DPPA2: variants seen among roughly 807,000 people sequenced by gnomAD.
The protein encoded by DPPA2 is developmental pluripotency-associated protein 2.
DPPA2 carries 26 observed loss-of-function variants against 36.2 expected under a neutral mutation model. The observed-to-expected ratio is 0.72, with a 90% CI of 0.53 to 1.00. The LOEUF is 1.00. Among genes scored for constraint, DPPA2 ranks in the 50% least tolerant of loss-of-function variants. The pLI is 0.00. For missense variants in DPPA2, 361 were observed against 365.1 expected (o/e 0.99, Z 0.09); for synonymous variants, 113 against 123.2 (o/e 0.92, Z 0.55).
chr3:109,306,879 A>G (rs1429780029), intron 6 of DPPA2, among the ~76,000 whole-genome samples: 1 of 151,808 alleles, frequency 6.6e-6, no homozygotes, highest in Non-Finnish European at 1.5e-5. Context: ...AGGCTGAGGC[A>G]AGAAAATTGC....
chr3:109,306,332 A>G (rs1707564476), intron 6 of DPPA2, among the ~76,000 whole-genome samples: 1 of 152,252 alleles, frequency 6.6e-6, no homozygotes, highest in Non-Finnish European at 1.5e-5. Flanking sequence ...CCAGGCACAC[A>G]GCTTTATGGC....
intron 8 of DPPA2, among the ~76,000 whole-genome samples, chr3:109,298,687 A>C (rs1434827749): frequency 6.7e-6 from 1 of 148,880 alleles, no homozygotes; most frequent in Non-Finnish European, 1.5e-5. Flanking sequence ...ACTGCACTCC[A>C]GCCTGGTGAT....
intron 8 of DPPA2, among the ~76,000 whole-genome samples, 155 bp downstream of exon 8, chr3:109,300,216 C>T (rs1054727129): frequency 2.6e-5 from 4 of 152,104 alleles, no homozygotes; most frequent in Non-Finnish European, 5.9e-5. Flanking sequence ...ATTTGTACTT[C>T]CTGGTAGACA....
intron 5 of DPPA2, 60 bp downstream of exon 5, chr3:109,308,966 G>A: frequency 6.3e-7 from 1 of 1,595,156 alleles, no homozygotes; most frequent in Non-Finnish European, 8.6e-7. Flanking sequence ...TGCGACGGTA[G>A]GGACCGGACG....
chr3:109,312,576 G>T lies in DPPA2; in HGVS notation c.150C>A (p.Val50=). The T allele has an allele frequency of 1.2e-6, 2 of 1,613,512 alleles. No individual in the cohort carries two copies. Among genetic ancestry groups the T allele is most frequent in the Admixed American group, 1.7e-5 (1 of 60,000 alleles). ...TGTATTTCTTAGGCTTCTCCAGTTT[G>T]ACATCAGAAGTTGAAGAAACGCTTG... ...MEPSVSSTSD[V]KLEKPKKYNP... is the part of the protein sequence containing the mutation. Residue 50 remains valine, a synonymous_variant, in exon 3 of 9, where the codon GTC becomes GTA. Coordinates refer to ENST00000478945, the MANE Select transcript of DPPA2 (RefSeq NM_138815.4).
intron 6 of DPPA2, among the ~76,000 whole-genome samples, chr3:109,307,286 C>T (rs183445258): frequency 5.3e-5 from 8 of 151,802 alleles, no homozygotes; most frequent in Admixed American, 2.0e-4. Context: ...TTCTATGAAA[C>T]ATGTAAATCT....
At chr3:109,300,557 C>G (rs1266670768) in intron 7 of DPPA2, 122 bp from the exon 8 acceptor site, 2 of 933,452 alleles carry the variant, frequency 2.1e-6, no homozygotes, top group Non-Finnish European at 3.4e-6. Flanking sequence ...TGTGGTGGCT[C>G]ACGCCTGTAA....
intron 8 of DPPA2, among the ~76,000 whole-genome samples, chr3:109,294,887 G>A (rs1707323873): frequency 6.6e-6 from 1 of 152,078 alleles, no homozygotes; most frequent in Admixed American, 6.6e-5. Context: ...CGGGCATGGT[G>A]GCCAGTGCCT....
At chr3:109,294,753 G>A (rs549834991) in intron 8 of DPPA2, among the ~76,000 whole-genome samples, 1 of 152,298 alleles carries the variant, frequency 6.6e-6, no homozygotes, top group East Asian at 1.9e-4. Context: ...GCTGGGCGCG[G>A]CGGCTCATGC....
At position 109,312,546 on chromosome 3, in the gene DPPA2, T is replaced by A. The variant is rs150889570; in HGVS notation, c.180A>T (p.Pro60=). 4.1e-5 allele frequency: 66 copies of A among 1,612,488 alleles called. No individual in the cohort carries two copies. The highest frequency in any genetic ancestry group is 5.4e-5 in the Non-Finnish European group (64 of 1,179,116). ...ACTGAGCAATCCCTGTCCTCATACC[T>A]GGATTGTATTTCTTAGGCTTCTCCA... The part of the protein sequence containing the change: ...VKLEKPKKYN[P]GHLLQTNEQF... Residue 60 remains proline, a splice_region_variant and synonymous_variant, in exon 3 of 9, where the codon CCA becomes CCT. Transcript: ENST00000478945.
rs545178223 is a variant in DPPA2, at chr3:109,299,428, T to C, written c.*22+943A>G. Among the ~76,000 whole-genome samples, 3 of 151,856 alleles carry C rather than the reference T, an allele frequency of 2.0e-5. 1 individual carries two copies. In the South Asian group the frequency reaches 6.3e-4, roughly 32 times the overall value. Reference sequence around the variant, plus strand: ...GGGAGGCTGAAGCAGGAGAGTTGCTTGAACCCGGGAGGTGGGAGGCGGAGG... The same window carrying C: ...GGGAGGCTGAAGCAGGAGAGTTGCTCGAACCCGGGAGGTGGGAGGCGGAGG... On this transcript the variant is annotated intron_variant, in intron 8 of 8. Transcript: ENST00000478945.
At chr3:109,314,371 C>A in intron 2 of DPPA2, 139 bp downstream of exon 2, 1 of 838,548 alleles carries the variant, frequency 1.2e-6, no homozygotes, top group Non-Finnish European at 1.8e-6. Flanking sequence ...AATCTATTTG[C>A]AAAGAAGAGG....
rs753317085 is a variant in DPPA2 at position 109,300,367 on chromosome 3, T to A, written c.*22+4A>T. ...TTTTGAGGTGGCATATTCTCATCTC[T>A]TACATTGTATTCAAACAGGTTGCTG... is the stretch of plus-strand genomic sequence containing the variant. On this transcript the variant is annotated splice_donor_region_variant and intron_variant, in intron 8 of 8. Transcript: ENST00000478945. 6.2e-7 allele frequency: 1 copy of A among 1,609,532 alleles called. No individual in the cohort carries two copies. Among genetic ancestry groups the A allele is most frequent in the South Asian group, 1.1e-5 (1 of 90,984 alleles).
chr3:109,295,720 A>G (rs553072614), intron 8 of DPPA2, among the ~76,000 whole-genome samples: 22 of 152,270 alleles, frequency 1.4e-4, no homozygotes, highest in African/African-American at 5.1e-4. Context: ...CATCAGATCA[A>G]GACTAAGATA....
rs758699742 is a variant in DPPA2, at chr3:109,309,255, G to A, written c.257C>T (p.Pro86Leu). ...CTTATTAATGGGAGGCAAAATGGTC[G>A]GCAAGGGAAGGGCTGGTATTTTGCA... ...ARCKIPALPL[P>L]TILPPINKVC... is the part of the protein sequence containing the mutation. Residue 86 changes from proline (P) to leucine (L), a missense_variant, in exon 4 of 9, where the codon CCG becomes CTG. Physicochemically the swap from Pro to Leu is moderately conservative, Grantham distance 98 (BLOSUM62 -3). Transcript: ENST00000478945. 73 of 1,614,144 alleles carry A rather than the reference G, an allele frequency of 4.5e-5. No homozygotes were observed. The highest frequency in any genetic ancestry group is 6.2e-5 in the Non-Finnish European group (73 of 1,180,032).
At chr3:109,314,830 A>AG (rs899578997) in intron 1 of DPPA2, among the ~76,000 whole-genome samples, 65 of 152,042 alleles carry the variant, frequency 4.3e-4, no homozygotes, top group African/African-American at 1.2e-3. Context: ...TGGGAGGCCC[A>AG]GGGGGGGCGG....
intron 2 of DPPA2, 21 bp from the exon 3 acceptor site, chr3:109,312,713 C>T (rs1404968865): frequency 6.2e-7 from 1 of 1,611,338 alleles, no homozygotes; most frequent in Non-Finnish European, 8.5e-7. Context: ...AAGTCAGTCA[C>T]TGATTTTCAT....
chr3:109,295,474 G>C (rs1707336784), intron 8 of DPPA2: 1 of 151,746 alleles, frequency 6.6e-6, no homozygotes, highest in Non-Finnish European at 1.5e-5. Context: ...TCAAACTCCT[G>C]ACCTCAAATG....
chr3:109,298,717 A>AAATAACAATAATAAT (rs1553693071), intron 8 of DPPA2, among the ~76,000 whole-genome samples: 1 of 141,874 alleles, frequency 7.0e-6, no homozygotes, highest in African/African-American at 2.6e-5. Context: ...TTCTGTCTAA[A>AAATAACAATAATAAT]AATAATAATA....
Sources: gnomAD v4.1 joint callset for allele counts (sites outside exome capture counted in the v4.1 genomes callset) on GRCh38, gnomAD v4.1.1 for gene constraint, MANE v1.5 for transcripts, NCBI Gene and HGNC (gene_info 2026-07-23, HGNC 2026-07-21) for gene names.